Variants in RND2 observed in about 807,000 individuals in gnomAD.
RND2 encodes the protein Rho family GTPase 2, also known as rho-related GTP-binding protein RhoN.
Under a neutral mutation model 25.9 loss-of-function variants are expected in RND2, and 16 were observed. The ratio of observed to expected loss-of-function variants is 0.62; its 90% confidence interval spans 0.42 to 0.94. The LOEUF is 0.94. RND2 is among the 40% of genes least tolerant of loss of function. The pLI, the probability that RND2 is intolerant of heterozygous loss-of-function variation, is 0.00. For synonymous variants in RND2, 97 were observed against 118.1 expected, an observed-to-expected ratio of 0.82 and a Z score of 1.16; for missense variants, 276 against 305.5, an observed-to-expected ratio of 0.90 and a Z score of 0.72.
chr17:43,025,449 G>A lies in RND2; in HGVS notation c.102G>A (p.Gly34=), dbSNP rs1463633438. 2 of 1,548,760 alleles carry A rather than the reference G, an allele frequency of 1.3e-6. No individual in the cohort carries two copies. Among genetic ancestry groups the A allele is most frequent in the East Asian group, 2.4e-5 (1 of 41,060 alleles). The change falls in exon 1 of 5, where the codon GGG becomes GGA. Residue 34 remains glycine, a splice_region_variant and synonymous_variant. Coordinates refer to ENST00000587250, the MANE Select transcript of RND2 (RefSeq NM_005440.5). ...TGTTCGCCAAGGACGCCTATCCCGGGGTGAGGGACCTGCGTCTTGGGAGGG... is the reference window on the plus strand; with the variant it reads ...TGTTCGCCAAGGACGCCTATCCCGGAGTGAGGGACCTGCGTCTTGGGAGGG... The part of the protein sequence containing the change: ...LQVFAKDAYP[G]SYVPTVFENY...
chr17:43,028,835 A>G lies in RND2; in HGVS notation c.*155A>G. ...CAGGGGAGCTGGAGGGCAGAAGGGT[A>G]TCATCGTTTCTCATCTCCTCCTCCC... On this transcript the variant is annotated 3_prime_UTR_variant, in exon 5 of 5. Transcript: ENST00000587250. The G allele has an allele frequency of 1.8e-6, 2 of 1,109,736 alleles. No homozygotes were observed. The highest frequency in any genetic ancestry group is 1.6e-5 in the South Asian group (1 of 61,784). The allele number at this position is 1,109,736 out of a possible 1,614,324, so 68.7% of individuals were successfully genotyped here.
intron 2 of RND2, among the ~76,000 whole-genome samples, 174 bp from the exon 3 acceptor site, chr17:43,027,009 C>T (rs1000165862): frequency 6.6e-6 from 1 of 152,204 alleles, no homozygotes; most frequent in Non-Finnish European, 1.5e-5. Context: ...CTCCCTTCTG[C>T]CCGCTCCCCC....
rs775210489 is a variant in RND2, at chr17:43,031,350, C to T, written c.*2670C>T. On this transcript the variant is annotated 3_prime_UTR_variant, in exon 5 of 5. Coordinates refer to ENST00000587250, the MANE Select transcript of RND2 (RefSeq NM_005440.5). ...GTGCTTGGATAACCACCCCCTCAAA[C>T]TGAGACCTGGTTAGGGACTGACTCA... is the stretch of plus-strand genomic sequence containing the variant. 9.9e-5 allele frequency: 15 copies of T among 152,162 alleles called. No homozygotes were observed. Among genetic ancestry groups the T allele is most frequent in the Non-Finnish European group, 2.1e-4 (14 of 68,036 alleles). 9.4% of individuals were successfully genotyped at this position (152,162 alleles called of 1,614,324 possible).
At chr17:43,025,524 G>A in intron 1 of RND2, 75 bp downstream of exon 1, 2 of 1,511,634 alleles carry the variant, frequency 1.3e-6, no homozygotes, top group Non-Finnish European at 1.8e-6. Context: ...GGCGACGGAT[G>A]GGAATGGGTA....
chr17:43,028,878 T>TGA lies in RND2; in HGVS notation c.*199_*200insAG. On this transcript the variant is annotated 3_prime_UTR_variant, in exon 5 of 5. Transcript: ENST00000587250. ...CTCCTCCCTCCTCTTCTCCAGTGGA[T>TGA]GTTGAGGGAGCTAACAGGGCTGGCA... The TGA allele has an allele frequency of 1.3e-6, 1 of 778,462 alleles. No homozygotes were observed. The highest frequency in any genetic ancestry group is 2.8e-5 in the East Asian group (1 of 35,206). The allele number at this position is 778,462 out of a possible 1,614,324, so 48.2% of individuals were successfully genotyped here.
chr17:43,028,655 G>T lies in RND2; in HGVS notation c.659G>T (p.Arg220Leu). 1 of 1,589,290 alleles carries T rather than the reference G, an allele frequency of 6.3e-7. No homozygotes were observed. The highest frequency in any genetic ancestry group is 8.6e-7 in the Non-Finnish European group (1 of 1,167,510). ...AATGAGGGCGAGATACACAAGGATC[G>T]AGCCAAAAGCTGCAACCTCATGTGA... Reference protein sequence around the residue: ...RGNEGEIHKDRAKSCNLM With the variant: ...RGNEGEIHKDLAKSCNLM The change falls in exon 5 of 5, where the codon CGA (arginine) becomes CTA (leucine). Residue 220 changes from arginine (R) to leucine (L), a missense_variant. Arg to Leu is a moderately radical substitution (Grantham distance 102). Transcript: ENST00000587250.
In RND2 at chr17:43,026,032, A is replaced by T; in HGVS notation, c.175A>T (p.Met59Leu). The change falls in exon 2 of 5, where the codon ATG becomes TTG. Residue 59 changes from methionine to leucine, a missense_variant. Met to Leu is a conservative substitution (Grantham distance 15). Transcript: ENST00000587250. ...CGACAAGCGCCGCATTGAGCTCAAC[A>T]TGTGGGACACTTCAGGTAGCCAAGT... ...EIDKRRIELN[M>L]WDTSGSSYYD... 6.2e-7 allele frequency: 1 copy of T among 1,609,906 alleles called. No individual in the cohort carries two copies. Among genetic ancestry groups the T allele is most frequent in the Non-Finnish European group, 8.5e-7 (1 of 1,176,592 alleles).
chr17:43,028,862 CCTCTT>C lies in RND2; in HGVS notation c.*186_*190del, dbSNP rs566312758. 5,401 of 862,136 alleles carry C rather than the reference CCTCTT, an allele frequency of 6.3e-3. 30 individuals carry two copies. Among genetic ancestry groups the C allele is most frequent in the Non-Finnish European group, 8.5e-3 (4,901 of 577,058 alleles). The allele number at this position is 862,136 out of a possible 1,614,324, so 53.4% of individuals were successfully genotyped here. A position where few individuals can be genotyped will look rare whatever the true frequency, so the allele number is the denominator to read the frequency against. ...CATCGTTTCTCATCTCCTCCTCCCTCCTCTTCTCCAGTGGATGTTGAGGGAGCTAA... is the reference window on the plus strand; with the variant it reads ...CATCGTTTCTCATCTCCTCCTCCCTCCTCCAGTGGATGTTGAGGGAGCTAA... On this transcript the variant is annotated 3_prime_UTR_variant, in exon 5 of 5. Coordinates refer to ENST00000587250, the MANE Select transcript of RND2 (RefSeq NM_005440.5).
chr17:43,027,142 C>A, intron 2 of RND2, 41 bp from the exon 3 acceptor site: 1 of 1,337,354 alleles, frequency 7.5e-7, no homozygotes, highest in Non-Finnish European at 1.0e-6. Context: ...CCTTCCAGGC[C>A]TCCCATCCAC....
chr17:43,028,003 A>C, intron 3 of RND2, 58 bp from the exon 4 acceptor site: 1 of 1,558,238 alleles, frequency 6.4e-7, no homozygotes, highest in Non-Finnish European at 8.7e-7. Context: ...CATGGCACAA[A>C]GGCTCACGCT....
At chr17:43,027,064 T>G in intron 2 of RND2, 119 bp from the exon 3 acceptor site, 1 of 628,130 alleles carries the variant, frequency 1.6e-6, no homozygotes, top group Non-Finnish European at 2.8e-6. Context: ...TGATGGGTAT[T>G]AATGGTTGCT....
Sources: allele counts gnomAD v4.1 joint callset (sites outside exome capture counted in the v4.1 genomes callset), GRCh38; gene constraint gnomAD v4.1.1; transcripts MANE v1.5; gene names NCBI Gene and HGNC (gene_info 2026-07-23, HGNC 2026-07-21).